CHN2: variants seen among roughly 807,000 people sequenced by gnomAD.
The protein encoded by CHN2 is chimerin 2.
Under a neutral mutation model 56.3 loss-of-function variants are expected in CHN2, and 35 were observed. The ratio of observed to expected loss-of-function variants is 0.62; its 90% CI spans 0.47 to 0.82. The LOEUF (loss-of-function observed/expected upper bound fraction) is 0.82. Among genes scored for constraint, CHN2 ranks in the 40% least tolerant of loss-of-function variants. CHN2 has a pLI of 0.00. For missense variants in CHN2, 491 were observed against 580.5 expected, an observed-to-expected ratio of 0.85 and a Z score of 1.58; for synonymous variants, 210 against 212.8, an observed-to-expected ratio of 0.99 and a Z score of 0.12.
chr7:29,331,461 C>T (rs1051740750), intron 1 of CHN2, among the ~76,000 whole-genome samples: 2 of 152,188 alleles, frequency 1.3e-5, no homozygotes, highest in Admixed American at 1.3e-4. Context: ...GCCTGAACTG[C>T]AGCACTGGAG....
intron 10 of CHN2, among the ~76,000 whole-genome samples, chr7:29,506,613 G>A (rs1297881573): frequency 6.6e-6 from 1 of 152,114 alleles, no homozygotes; most frequent in Non-Finnish European, 1.5e-5. Flanking sequence ...CTCCAGCCTG[G>A]GCTACAGAGT....
intron 5 of CHN2, 21 bp from the exon 6 acceptor site, chr7:29,400,522 C>A (rs747174668): frequency 1.7e-5 from 28 of 1,610,716 alleles, no homozygotes; most frequent in Non-Finnish European, 2.2e-5. Flanking sequence ...TGGTTGTAAT[C>A]CCTCATTCTC....
intron 7 of CHN2, among the ~76,000 whole-genome samples, chr7:29,488,874 G>A (rs1404531859): frequency 6.6e-6 from 1 of 152,182 alleles, no homozygotes; most frequent in East Asian, 1.9e-4. Context: ...GTAGTGCCGA[G>A]GCTAAGAAAT....
chr7:29,462,209 A>G (rs1396990915), intron 6 of CHN2, among the ~76,000 whole-genome samples: 1 of 152,202 alleles, frequency 6.6e-6, no homozygotes, highest in Non-Finnish European at 1.5e-5. Flanking sequence ...ACCTGAACAA[A>G]CATATGTGCT....
chr7:29,298,782 C>T (rs1422715074), intron 1 of CHN2, among the ~76,000 whole-genome samples: 2 of 152,072 alleles, frequency 1.3e-5, no homozygotes, highest in African/African-American at 4.8e-5. Context: ...TAGGCAAAAA[C>T]TTAAAAACTA....
At chr7:29,428,805 C>A (rs1161090294) in intron 6 of CHN2, among the ~76,000 whole-genome samples, 1 of 151,926 alleles carries the variant, frequency 6.6e-6, no homozygotes, top group Admixed American at 6.6e-5. Context: ...CTGAAGTTTT[C>A]TTTGTAAGTA....
chr7:29,272,762 A>G (rs1023300830), intron 1 of CHN2, among the ~76,000 whole-genome samples: 1 of 152,220 alleles, frequency 6.6e-6, no homozygotes, highest in African/African-American at 2.4e-5. Context: ...ACTTCAAACC[A>G]TATGCTTATT....
At chr7:29,214,700 T>C (rs567714396) in intron 1 of CHN2, among the ~76,000 whole-genome samples, 4 of 152,314 alleles carry the variant, frequency 2.6e-5, no homozygotes, top group Admixed American at 6.5e-5. Flanking sequence ...GGGACATATT[T>C]TTACACTTGA....
intron 1 of CHN2, among the ~76,000 whole-genome samples, chr7:29,311,307 T>C (rs1794589194): frequency 6.6e-6 from 1 of 152,226 alleles, no homozygotes; most frequent in Non-Finnish European, 1.5e-5. Context: ...CCACGTGTTC[T>C]CTTGGAGTCT....
At chr7:29,483,899 T>G (rs1195110016) in intron 7 of CHN2, 1 of 1,302,802 alleles carries the variant, frequency 7.7e-7, no homozygotes, top group Non-Finnish European at 1.0e-6. Flanking sequence ...CTGCCTCAGT[T>G]CCCTCATCTA....
intron 3 of CHN2, among the ~76,000 whole-genome samples, chr7:29,392,091 G>A (rs1036554770): frequency 3.3e-5 from 5 of 152,254 alleles, no homozygotes; most frequent in Non-Finnish European, 4.4e-5. Flanking sequence ...TTTAAAAATC[G>A]TCCTCATATG....
intron 1 of CHN2, among the ~76,000 whole-genome samples, chr7:29,326,925 T>A (rs1390820993): frequency 1.3e-5 from 2 of 152,206 alleles, no homozygotes; most frequent in Non-Finnish European, 2.9e-5. Context: ...AACCCTTAAA[T>A]TAATCCTATA....
intron 2 of CHN2, among the ~76,000 whole-genome samples, chr7:29,188,747 C>T (rs375174093): frequency 1.1e-4 from 17 of 151,844 alleles, no homozygotes; most frequent in East Asian, 1.9e-4. Flanking sequence ...TGATTTTGGA[C>T]GTTTTGTTAA....
At chr7:29,482,861 T>G (rs1384515335) in intron 7 of CHN2, among the ~76,000 whole-genome samples, 21 of 123,918 alleles carry the variant, frequency 1.7e-4, no homozygotes, top group Non-Finnish European at 3.2e-4. Context: ...TCGCTGTGTC[T>G]CCCAGGTTGG....
intron 1 of CHN2, among the ~76,000 whole-genome samples, chr7:29,308,850 C>T (rs1056936694): frequency 3.3e-5 from 5 of 152,164 alleles, no homozygotes; most frequent in African/African-American, 1.2e-4. Context: ...TTAGTTCCTC[C>T]ATTGCACTTT....
intron 1 of CHN2, among the ~76,000 whole-genome samples, chr7:29,223,139 A>G (rs550653967): frequency 6.6e-6 from 1 of 152,172 alleles, no homozygotes; most frequent in Non-Finnish European, 1.5e-5. Flanking sequence ...AATGCAAATA[A>G]AAATAACAAT....
chr7:29,509,471 T>C, intron 12 of CHN2, 65 bp downstream of exon 12: 1 of 1,248,430 alleles, frequency 8.0e-7, no homozygotes, highest in African/African-American at 1.5e-5. Context: ...TGAGGAAAAG[T>C]GGACGGCATT....
intron 1 of CHN2, among the ~76,000 whole-genome samples, chr7:29,322,201 T>C (rs1010425644): frequency 5.9e-5 from 9 of 152,220 alleles, no homozygotes; most frequent in African/African-American, 2.2e-4. Flanking sequence ...CATCGTTTCC[T>C]AAAGGCTCTG....
chr7:29,405,161 C>CTACACACACA (rs1554287645), intron 6 of CHN2, among the ~76,000 whole-genome samples: 5 of 49,810 alleles, frequency 1.0e-4, no homozygotes, highest in Non-Finnish European at 1.9e-4. Context: ...GCTTATGTCA[C>CTACACACACA]CATACACACA....
Sources: allele counts gnomAD v4.1 joint callset (sites outside exome capture counted in the v4.1 genomes callset), GRCh38; gene constraint gnomAD v4.1.1; transcripts MANE v1.5; gene names NCBI Gene and HGNC (gene_info 2026-07-23, HGNC 2026-07-21).